Variants in ATP6V1A observed in about 807,000 individuals in gnomAD.
ATP6V1A encodes V-type proton ATPase catalytic subunit A.
In ATP6V1A, 18 loss-of-function variants were observed where a neutral mutation model predicts 70.1. The ratio of observed to expected loss-of-function variants is 0.26; its 90% CI spans 0.18 to 0.38. ATP6V1A has a LOEUF of 0.38. Ranked by LOEUF, ATP6V1A falls within the 10% of genes least tolerant of loss-of-function variation. ATP6V1A has a pLI of 1.00. For synonymous variants in ATP6V1A, 232 were observed against 253.8 expected (o/e 0.91, Z 0.82); for missense variants, 424 against 772.4 (o/e 0.55, Z 5.35).
At chr3:113,792,908 T>TAC (rs1305935534) in intron 8 of ATP6V1A, among the ~76,000 whole-genome samples, 1 of 152,242 alleles carries the variant, frequency 6.6e-6, no homozygotes, top group African/African-American at 2.4e-5. Flanking sequence ...CTTTATTAGA[T>TAC]ACCTGTTCAA....
intron 4 of ATP6V1A, 114 bp downstream of exon 4, chr3:113,784,552 T>TA (rs1709017165): frequency 7.2e-7 from 1 of 1,388,716 alleles, no homozygotes; most frequent in East Asian, 2.4e-5. Flanking sequence ...AAGGATAGTT[T>TA]AAAGTTTTTC....
At chr3:113,748,256 A>G (rs1559745847) in intron 1 of ATP6V1A, among the ~76,000 whole-genome samples, 2 of 152,242 alleles carry the variant, frequency 1.3e-5, no homozygotes, top group African/African-American at 2.4e-5. Context: ...CATTCCGTCC[A>G]TAATGTATTA....
chr3:113,780,885 T>C, intron 2 of ATP6V1A, 165 bp from the exon 3 acceptor site: 2 of 1,299,902 alleles, frequency 1.5e-6, no homozygotes, highest in Admixed American at 2.8e-5. Context: ...CACTAAAATA[T>C]ATATCTATGT....
intron 8 of ATP6V1A, among the ~76,000 whole-genome samples, chr3:113,793,555 G>A (rs566140789): frequency 2.6e-5 from 4 of 152,190 alleles, no homozygotes; most frequent in South Asian, 4.1e-4. Context: ...AATATCACAA[G>A]TATCTGTGAC....
At chr3:113,788,460 G>A (rs1709059583) in intron 6 of ATP6V1A, among the ~76,000 whole-genome samples, 1 of 151,368 alleles carries the variant, frequency 6.6e-6, no homozygotes. Context: ...CCAGCCTCCA[G>A]AGTAGCTGGG....
rs558250693 is a variant in ATP6V1A at position 113,784,703 on chromosome 3, G to C, written c.434G>C (p.Ser145Thr). 5 of 1,614,010 alleles carry C rather than the reference G, an allele frequency of 3.1e-6. No homozygotes were observed. In the South Asian group the frequency reaches 4.4e-5, roughly 14 times the overall value. ...AAATACATTTATCTCTAGGTTGGTAGTCATATCACTGGCGGAGACATTTAT... is the reference window on the plus strand; with the variant it reads ...AAATACATTTATCTCTAGGTTGGTACTCATATCACTGGCGGAGACATTTAT... Reference protein sequence around the residue: ...FTPCKNLRVGSHITGGDIYGI... With the variant: ...FTPCKNLRVGTHITGGDIYGI... The change falls in exon 5 of 15, where the codon AGT (serine) becomes ACT (threonine). Residue 145 changes from serine to threonine, a missense_variant. Around this residue, in one of 9 missense-constraint regions of ATP6V1A, gnomAD observed 139 missense variants for 163.5 expected, o/e 0.85. Coordinates refer to ENST00000273398, the MANE Select transcript of ATP6V1A (RefSeq NM_001690.4).
chr3:113,753,692 T>TC (rs1412784312), intron 1 of ATP6V1A, among the ~76,000 whole-genome samples: 2 of 129,266 alleles, frequency 1.5e-5, no homozygotes, highest in African/African-American at 5.9e-5. Context: ...CTATCATGTG[T>TC]CTTTTTTTTT....
intron 5 of ATP6V1A, among the ~76,000 whole-genome samples, chr3:113,785,389 G>C (rs1352019521): frequency 2.0e-5 from 3 of 151,926 alleles, no homozygotes; most frequent in African/African-American, 7.3e-5. Flanking sequence ...GCAGTGAGCT[G>C]AGATCGTGCC....
At position 113,784,291 on chromosome 3, in the gene ATP6V1A, C is replaced by A. The variant is rs1294127545; in HGVS notation, c.279C>A (p.Gly93=). ...CCCTCTCTGTAGAGCTTGGTCCTGG[C>A]ATTATGGGAGCCATTTTTGATGGTA... ...GKPLSVELGP[G]IMGAIFDGIQ... Residue 93 remains glycine (G), a synonymous_variant, in exon 4 of 15, where the codon GGC becomes GGA. Transcript: ENST00000273398. 6.2e-7 allele frequency: 1 copy of A among 1,614,042 alleles called. No homozygotes were observed. The highest frequency in any genetic ancestry group is 8.5e-7 in the Non-Finnish European group (1 of 1,180,016).
chr3:113,797,756 T>G lies in ATP6V1A; in HGVS notation c.1291-487T>G, dbSNP rs140860120. Reference sequence around the variant, plus strand: ...CACTTGGAAAATGAAAGGAAATAGATTATTGTCATTTTCTGCAAGTTTTAT... The same window carrying G: ...CACTTGGAAAATGAAAGGAAATAGAGTATTGTCATTTTCTGCAAGTTTTAT... On this transcript the variant is annotated intron_variant, in intron 11 of 14. Coordinates refer to ENST00000273398, the MANE Select transcript of ATP6V1A (RefSeq NM_001690.4). Among the ~76,000 whole-genome samples, 1,328 of 152,298 alleles carry G rather than the reference T, an allele frequency of 8.7e-3. 14 individuals are homozygous for G. Among genetic ancestry groups the G allele is most frequent in the African/African-American group, 0.029 (1,186 of 41,572 alleles).
intron 12 of ATP6V1A, 143 bp downstream of exon 12, chr3:113,798,589 T>G: frequency 9.2e-6 from 6 of 653,224 alleles, no homozygotes; most frequent in Non-Finnish European, 1.1e-5. Flanking sequence ...TTCTATTCAT[T>G]ATAGTACTTA....
chr3:113,773,976 C>T (rs1223532461), intron 1 of ATP6V1A, among the ~76,000 whole-genome samples: 1 of 151,884 alleles, frequency 6.6e-6, no homozygotes, highest in Non-Finnish European at 1.5e-5. Context: ...ATCTATAATA[C>T]AGCAGCTGGC....
At position 113,811,517 on chromosome 3, in the gene ATP6V1A, CTT is replaced by C. The variant is rs1192100340; in HGVS notation, c.*2092_*2093del. ...GTAGAAATTAAAAGGATTTCAAAAA[CTT>C]TCTATTCCTTTCTTAAACCTACCAG... On this transcript the variant is annotated 3_prime_UTR_variant, in exon 15 of 15. Transcript: ENST00000273398. 1 of 152,586 alleles carries C rather than the reference CTT, an allele frequency of 6.6e-6. No homozygotes were observed. Among genetic ancestry groups the C allele is most frequent in the Non-Finnish European group, 1.5e-5 (1 of 68,026 alleles). The allele number at this position is 152,586 out of a possible 1,614,324, so 9.5% of individuals were successfully genotyped here.
At chr3:113,747,486 T>A (rs1051943088) in intron 1 of ATP6V1A, 36 of 152,296 alleles carry the variant, frequency 2.4e-4, no homozygotes, top group African/African-American at 8.5e-4. Flanking sequence ...GTCCTTACCC[T>A]CAGCTCAGGG....
At chr3:113,789,196 T>C (rs942420739) in intron 7 of ATP6V1A, among the ~76,000 whole-genome samples, 4 of 152,036 alleles carry the variant, frequency 2.6e-5, no homozygotes, top group African/African-American at 7.2e-5. Context: ...TACAGGTGCA[T>C]GCCACCACGC....
intron 11 of ATP6V1A, among the ~76,000 whole-genome samples, chr3:113,797,803 A>G (rs900300244): frequency 6.6e-6 from 1 of 152,216 alleles, no homozygotes; most frequent in Non-Finnish European, 1.5e-5. Flanking sequence ...TTTACTTAGT[A>G]TATACTAAAA....
intron 1 of ATP6V1A, among the ~76,000 whole-genome samples, chr3:113,775,748 G>C (rs2712352): frequency 7.9e-5 from 12 of 152,152 alleles, no homozygotes; most frequent in African/African-American, 2.9e-4. Context: ...TATCATGAAT[G>C]CTATAGAGGA....
chr3:113,791,113 A>G (rs979823780), intron 8 of ATP6V1A, among the ~76,000 whole-genome samples: 5 of 152,152 alleles, frequency 3.3e-5, no homozygotes, highest in African/African-American at 1.2e-4. Flanking sequence ...AAAATTTAGA[A>G]AATTGCATCT....
At chr3:113,789,695 G>GA in intron 7 of ATP6V1A, 37 bp from the exon 8 acceptor site, 1 of 1,469,978 alleles carries the variant, frequency 6.8e-7, no homozygotes, top group Non-Finnish European at 9.4e-7. Flanking sequence ...TGTTACCTTA[G>GA]AAATTGGAGA....
Sources: allele counts gnomAD v4.1 joint callset (sites outside exome capture counted in the v4.1 genomes callset), GRCh38; gene constraint gnomAD v4.1.1; regional missense constraint gnomAD v4.1.1; transcripts MANE v1.5; gene names NCBI Gene and HGNC (gene_info 2026-07-23, HGNC 2026-07-21).